Variants in PREX1 observed in about 807,000 individuals in gnomAD.
The protein encoded by PREX1 is phosphatidylinositol 3,4,5-trisphosphate-dependent Rac exchanger 1 protein.
In PREX1, 41 loss-of-function variants were observed where a neutral mutation model predicts 198.3. That is an observed-to-expected ratio of 0.21 (90% CI 0.16 to 0.27). PREX1 has a LOEUF of 0.27. PREX1 is among the 10% of genes least tolerant of loss of function. The pLI, the probability that PREX1 is intolerant of heterozygous loss-of-function variation, is 1.00. For missense variants in PREX1, 1,620 were observed against 2,200.7 expected (o/e 0.74, Z 5.28); for synonymous variants, 843 against 887.2 (o/e 0.95, Z 0.89).
chr20:48,700,921 A>T, intron 6 of PREX1, 35 bp from the exon 7 acceptor site: 1 of 1,612,404 alleles, frequency 6.2e-7, no homozygotes, highest in Non-Finnish European at 8.5e-7. Flanking sequence ...GAATGAGCCA[A>T]CCCAGGAACA....
the PREX1 span, among the ~76,000 whole-genome samples, chr20:48,864,153 G>A: frequency 1.1e-3 from 167 of 152,304 alleles, no homozygotes; most frequent in African/African-American, 3.7e-3. Context: ...ACAAGAGGAC[G>A]CAGAGAATGA....
chr20:48,673,670 G>A (rs1171837046), intron 14 of PREX1, among the ~76,000 whole-genome samples: 2 of 150,074 alleles, frequency 1.3e-5, no homozygotes, highest in Non-Finnish European at 3.0e-5. Context: ...CAGAAGGCGG[G>A]ACTCTGTGCA....
chr20:48,739,222 T>C (rs1279795503), intron 3 of PREX1, among the ~76,000 whole-genome samples: 3 of 152,174 alleles, frequency 2.0e-5, no homozygotes, highest in Admixed American at 1.3e-4. Flanking sequence ...GCTTCTGCCC[T>C]TTCTCACCTT....
Position 48,734,615 on chromosome 20 carries a change from G to A in PREX1, c.450C>T (p.Ser150=). The change falls in exon 4 of 40, where the codon AGC becomes AGT. Residue 150 remains serine, a synonymous_variant. Coordinates refer to ENST00000371941, the MANE Select transcript of PREX1 (RefSeq NM_020820.4). ...GCAGCCTCAGGGCTTTCTCATGGTT[G>A]CTGCAATACTCCTCGTACACGCAGA... is the stretch of plus-strand genomic sequence containing the variant. The part of the protein sequence containing the change: ...DKFCVYEEYC[S]NHEKALRLLV... The A allele has an allele frequency of 6.2e-7, 1 of 1,614,164 alleles. No homozygotes were observed. The highest frequency in any genetic ancestry group is 8.5e-7 in the Non-Finnish European group (1 of 1,179,990).
chr20:48,683,698 T>C (rs759072498), intron 10 of PREX1, among the ~76,000 whole-genome samples: 1 of 152,186 alleles, frequency 6.6e-6, no homozygotes, highest in African/African-American at 2.4e-5. Flanking sequence ...CGAACGCATC[T>C]AACAGCTTCT....
chr20:48,688,615 G>A (rs771049104), intron 10 of PREX1, 42 bp downstream of exon 10: 1 of 1,612,168 alleles, frequency 6.2e-7, no homozygotes, highest in South Asian at 1.1e-5. Flanking sequence ...ACCTCCAGCT[G>A]AGAGCCCAGG....
chr20:48,639,958 A>G, intron 29 of PREX1, 64 bp from the exon 30 acceptor site: 3 of 1,561,152 alleles, frequency 1.9e-6, no homozygotes, highest in Non-Finnish European at 2.6e-6. Flanking sequence ...GAACGGTGGC[A>G]CAAAGGCCTA....
At chr20:48,727,249 T>C (rs1173744810) in intron 4 of PREX1, among the ~76,000 whole-genome samples, 4 of 152,162 alleles carry the variant, frequency 2.6e-5, no homozygotes, top group Non-Finnish European at 4.4e-5. Flanking sequence ...TTCTGTCATA[T>C]GCATACCTCT....
Position 48,633,619 on chromosome 20 carries a change from C to T in PREX1, c.4268-980G>A, listed in dbSNP as rs188880257. 1.7e-4 allele frequency among the ~76,000 whole-genome samples: 26 copies of T among 152,246 alleles called. No individual in the cohort carries two copies. The East Asian group carries it at 4.2e-3, about 25-fold the overall frequency. ...TCTGAGGCCGTAGTTCTGGCTGGGC[C>T]GGAGAATATGCCTTTCTATCAAGCC... On this transcript the variant is annotated intron_variant, in intron 33 of 39. Coordinates refer to ENST00000371941, the MANE Select transcript of PREX1 (RefSeq NM_020820.4).
intron 1 of PREX1, among the ~76,000 whole-genome samples, chr20:48,820,759 G>C (rs2090480989): frequency 6.6e-6 from 1 of 152,192 alleles, no homozygotes; most frequent in Non-Finnish European, 1.5e-5. Context: ...CAGCGATGCT[G>C]CTAAACATCT....
intron 10 of PREX1, among the ~76,000 whole-genome samples, chr20:48,683,692 C>A (rs569363839): frequency 1.8e-3 from 276 of 152,280 alleles, no homozygotes; most frequent in African/African-American, 5.9e-3. Context: ...AGAAGACGAA[C>A]GCATCTAACA....
At chr20:48,661,444 AATATAT>A (rs1159107194) in intron 15 of PREX1, among the ~76,000 whole-genome samples, 45 of 49,600 alleles carry the variant, frequency 9.1e-4, no homozygotes, top group African/African-American at 1.3e-3. Context: ...AAAAAAAAAA[AATATAT>A]ATATATATAT....
intron 5 of PREX1, among the ~76,000 whole-genome samples, chr20:48,715,390 A>G (rs1212990134): frequency 6.6e-6 from 1 of 152,232 alleles, no homozygotes; most frequent in Non-Finnish European, 1.5e-5. Context: ...TATCAATGAT[A>G]GATTCAGGCC....
At chr20:48,848,701 C>T in the PREX1 span, among the ~76,000 whole-genome samples, 1 of 152,168 alleles carries the variant, frequency 6.6e-6, no homozygotes, top group African/African-American at 2.4e-5. Context: ...CAGACGTTTG[C>T]AGACCTTTTC....
upstream of PREX1, among the ~76,000 whole-genome samples, chr20:48,832,498 C>T (rs1030823769): frequency 6.6e-6 from 1 of 152,174 alleles, no homozygotes; most frequent in Admixed American, 6.5e-5. Flanking sequence ...GCCATCATTT[C>T]CCAAATGCAA....
chr20:48,709,233 C>T (rs2089919104), intron 5 of PREX1, among the ~76,000 whole-genome samples: 1 of 152,200 alleles, frequency 6.6e-6, no homozygotes. Flanking sequence ...AGTCTTTCAT[C>T]CCGAACTGTG....
At position 48,684,595 on chromosome 20, in the gene PREX1, G is replaced by A. The variant is rs114833030; in HGVS notation, c.1335-3260C>T. 6.6e-3 allele frequency among the ~76,000 whole-genome samples: 1,010 copies of A among 152,218 alleles called. 11 individuals carry two copies. The highest frequency in any genetic ancestry group is 0.023 in the African/African-American group (968 of 41,530). On this transcript the variant is annotated intron_variant, in intron 10 of 39. Transcript: ENST00000371941. This position sits in a 1 kb window ranked among gnomAD's most constrained non-coding sequence, Gnocchi z 4.2. ...CTTCGTCCAGGAAGCTTTTCCTGAC[G>A]GCCCCTGCCAGACACGCCGCGTCAT... is the stretch of plus-strand genomic sequence containing the variant.
chr20:48,782,816 T>C (rs947150329), intron 1 of PREX1, among the ~76,000 whole-genome samples: 2 of 152,174 alleles, frequency 1.3e-5, no homozygotes, highest in Admixed American at 1.3e-4. Flanking sequence ...TCGCTCTCAC[T>C]GCAGTGTGAT....
intron 21 of PREX1, 114 bp downstream of exon 21, chr20:48,652,472 T>A (rs565116342): frequency 1.5e-6 from 2 of 1,362,156 alleles, no homozygotes; most frequent in East Asian, 2.5e-5. Context: ...CCTGCTGGCA[T>A]GGAGGTGGAC....
Sources: gnomAD v4.1 joint callset for allele counts (sites outside exome capture counted in the v4.1 genomes callset) on GRCh38, gnomAD v4.1.1 for gene constraint, Gnocchi (gnomAD v3.1) non-coding constraint, MANE v1.5 for transcripts, NCBI Gene and HGNC (gene_info 2026-07-23, HGNC 2026-07-21) for gene names.